Variants in PCDHA11 observed in about 807,000 individuals in gnomAD.
PCDHA11 encodes protocadherin alpha 11.
PCDHA11 carries 61 observed loss-of-function variants against 70.3 expected under a neutral mutation model. That is an observed-to-expected ratio of 0.87 (90% CI 0.71 to 1.07). PCDHA11 has a LOEUF of 1.07. Ranked by LOEUF, PCDHA11 falls within the 50% of genes least tolerant of loss-of-function variation. PCDHA11 has a pLI of 0.00. For synonymous variants in PCDHA11, 633 were observed against 555.1 expected (o/e 1.14, Z -1.97); for missense variants, 1,324 against 1,237.5 (o/e 1.07, Z -1.05).
At chr5:140,888,108 T>C (rs1554183322) in intron 1 of PCDHA11, among the ~76,000 whole-genome samples, 1 of 152,248 alleles carries the variant, frequency 6.6e-6, no homozygotes, top group Non-Finnish European at 1.5e-5. Flanking sequence ...CTTCTTTTAA[T>C]CTATCTTCTT....
intron 1 of PCDHA11, among the ~76,000 whole-genome samples, chr5:140,931,398 T>C: frequency 6.6e-6 from 1 of 152,112 alleles, no homozygotes; most frequent in African/African-American, 2.4e-5. Context: ...AAGTAAGCGA[T>C]AGGAAGGCTG....
chr5:140,923,155 A>G (rs1316496589), intron 1 of PCDHA11, among the ~76,000 whole-genome samples: 4 of 152,236 alleles, frequency 2.6e-5, no homozygotes, highest in Non-Finnish European at 5.9e-5. Context: ...AAAAAATTAT[A>G]GAAAGATAAA....
At chr5:140,960,208 C>T (rs1295278624) in intron 1 of PCDHA11, among the ~76,000 whole-genome samples, 2 of 151,976 alleles carry the variant, frequency 1.3e-5, no homozygotes, top group Non-Finnish European at 2.9e-5. Flanking sequence ...GATGTTATTT[C>T]AGGATCTCAA....
chr5:140,963,932 A>C (rs564788639), intron 1 of PCDHA11, among the ~76,000 whole-genome samples: 74 of 152,352 alleles, frequency 4.9e-4, no homozygotes, highest in African/African-American at 1.6e-3. Context: ...ACATGTCCAT[A>C]GCCAAACAGT....
intron 1 of PCDHA11, among the ~76,000 whole-genome samples, chr5:140,973,341 C>T (rs1323571061): frequency 6.6e-6 from 1 of 152,124 alleles, no homozygotes; most frequent in African/African-American, 2.4e-5. Flanking sequence ...TGTAAAGTGA[C>T]ATAGTAGTGA....
At chr5:140,905,298 T>A (rs1171619023) in intron 1 of PCDHA11, among the ~76,000 whole-genome samples, 2 of 152,218 alleles carry the variant, frequency 1.3e-5, no homozygotes, top group African/African-American at 2.4e-5. Context: ...TAAGGTGTCC[T>A]TTCCACACTT....
At chr5:140,932,415 T>C (rs1183410119) in intron 1 of PCDHA11, among the ~76,000 whole-genome samples, 2 of 151,922 alleles carry the variant, frequency 1.3e-5, no homozygotes, top group African/African-American at 4.8e-5. Context: ...GTTATATTAG[T>C]GTATTGTTCA....
chr5:140,978,887 A>T, intron 1 of PCDHA11, 62 bp from the exon 2 acceptor site: 1 of 1,611,648 alleles, frequency 6.2e-7, no homozygotes, highest in Non-Finnish European at 8.5e-7. Context: ...ATCAATTAGC[A>T]GCATTCCTGG....
chr5:140,908,268 A>G (rs1401852970), intron 1 of PCDHA11, among the ~76,000 whole-genome samples: 4 of 152,284 alleles, frequency 2.6e-5, no homozygotes, highest in African/African-American at 9.6e-5. Context: ...GGAACTCCCC[A>G]TGAGGCCATT....
chr5:140,941,284 TTCTC>T (rs1234192371), intron 1 of PCDHA11, among the ~76,000 whole-genome samples: 2 of 124,572 alleles, frequency 1.6e-5, no homozygotes, highest in African/African-American at 2.8e-5. Flanking sequence ...CTTCCTTCCT[TTCTC>T]TTTCTTTCTT....
At chr5:140,927,290 T>C in intron 1 of PCDHA11, 1 of 1,614,054 alleles carries the variant, frequency 6.2e-7, no homozygotes, top group South Asian at 1.1e-5. Flanking sequence ...CAGCTGCACA[T>C]CCCCGAGTTC....
intron 1 of PCDHA11, chr5:140,882,971 G>A (rs1562782227): frequency 3.1e-6 from 5 of 1,614,206 alleles, no homozygotes; most frequent in Admixed American, 1.7e-5. Flanking sequence ...GATTCTGGAC[G>A]TGAATGACAA....
chr5:140,907,087 G>A (rs1554192866), intron 1 of PCDHA11, among the ~76,000 whole-genome samples: 2 of 152,194 alleles, frequency 1.3e-5, no homozygotes, highest in Non-Finnish European at 2.9e-5. Flanking sequence ...GTGATGGTAA[G>A]TGGTGCCACT....
At chr5:140,957,339 TGAGA>T (rs2095352193) in intron 1 of PCDHA11, among the ~76,000 whole-genome samples, 1 of 152,152 alleles carries the variant, frequency 6.6e-6, no homozygotes, top group African/African-American at 2.4e-5. Context: ...TAAGATATTT[TGAGA>T]GAGAGACCAC....
intron 1 of PCDHA11, chr5:140,929,574 G>A: frequency 2.2e-6 from 1 of 448,534 alleles, no homozygotes; most frequent in Non-Finnish European, 3.9e-6. Flanking sequence ...AACAATAAAA[G>A]TAATATGACA....
Position 140,987,904 on chromosome 5 carries a change from G to T in PCDHA11, c.2539+5341G>T, listed in dbSNP as rs115515462. 1.9e-3 allele frequency among the ~76,000 whole-genome samples: 290 copies of T among 151,852 alleles called. 1 individual carries two copies. The highest frequency in any genetic ancestry group is 7.0e-3 in the African/African-American group (288 of 41,412). On this transcript the variant is annotated intron_variant, in intron 3 of 3. Transcript: ENST00000398640. ...GTTTATGTGCCCTAGTTTTATATGG[G>T]GATTTATATTCTTAATTGTCTCAAG...
At chr5:140,914,116 A>T (rs2076611706) in intron 1 of PCDHA11, among the ~76,000 whole-genome samples, 1 of 152,128 alleles carries the variant, frequency 6.6e-6, no homozygotes. Flanking sequence ...ATTAAGTCTG[A>T]TGTTTCTTTG....
At chr5:141,001,896 C>T (rs2098042458) in intron 3 of PCDHA11, among the ~76,000 whole-genome samples, 1 of 152,142 alleles carries the variant, frequency 6.6e-6, no homozygotes, top group Admixed American at 6.5e-5. Flanking sequence ...GAAATCGGGG[C>T]TGTTTGAAAA....
At position 140,869,485 on chromosome 5, in the gene PCDHA11, G is replaced by T. The variant is rs782005031; in HGVS notation, c.382G>T (p.Asp128Tyr). The change falls in exon 1 of 4, where the codon GAC (aspartate) becomes TAC (tyrosine). Residue 128 changes from aspartate to tyrosine, a missense_variant. By Grantham distance (160) the Asp-to-Tyr change is radical. Coordinates refer to ENST00000398640, the MANE Select transcript of PCDHA11 (RefSeq NM_018902.5). ...GAACGTGGAGGTGAAGGACATTAACGACAACCCGCCGGTGTTCTCGCTCAG... is the reference window on the plus strand; with the variant it reads ...GAACGTGGAGGTGAAGGACATTAACTACAACCCGCCGGTGTTCTCGCTCAG... ...HVNVEVKDIN[D>Y]NPPVFSLREQ... 5.0e-6 allele frequency: 8 copies of T among 1,614,158 alleles called. No homozygotes were observed. Among genetic ancestry groups the T allele is most frequent in the Non-Finnish European group, 6.8e-6 (8 of 1,180,032 alleles).
Sources: allele counts gnomAD v4.1 joint callset (sites outside exome capture counted in the v4.1 genomes callset), GRCh38; gene constraint gnomAD v4.1.1; transcripts MANE v1.5; gene names NCBI Gene and HGNC (gene_info 2026-07-23, HGNC 2026-07-21).